The following AGBL4 variants were observed in gnomAD, a reference collection of about 807,000 sequenced individuals.
AGBL4 encodes the protein cytosolic carboxypeptidase 6.
Under a neutral mutation model 66.4 loss-of-function variants are expected in AGBL4, and 58 were observed. That is an observed-to-expected ratio of 0.87 (90% CI 0.71 to 1.09). AGBL4 has a LOEUF of 1.09. Among genes scored for constraint, AGBL4 ranks in the 50% least tolerant of loss-of-function variants. AGBL4 has a pLI of 0.00. For missense variants in AGBL4, 579 were observed against 631.0 expected (o/e 0.92, Z 0.88); for synonymous variants, 234 against 222.9 (o/e 1.05, Z -0.44).
At chr1:49,274,786 A>G (rs1484314217) in intron 3 of AGBL4, among the ~76,000 whole-genome samples, 2 of 152,140 alleles carry the variant, frequency 1.3e-5, no homozygotes, top group Non-Finnish European at 2.9e-5. Context: ...TTGCTAGCTC[A>G]ACATCAAGCA....
chr1:49,770,650 T>G (rs1434740252), intron 2 of AGBL4, among the ~76,000 whole-genome samples: 1 of 151,728 alleles, frequency 6.6e-6, no homozygotes, highest in Admixed American at 6.6e-5. Flanking sequence ...AGACCTGGAC[T>G]TTTTTTTCAT....
chr1:48,967,965 G>C (rs886948848), intron 5 of AGBL4, among the ~76,000 whole-genome samples: 1 of 151,994 alleles, frequency 6.6e-6, no homozygotes, highest in African/African-American at 2.4e-5. Context: ...TTGTGCTTTT[G>C]TTATTTGTTT....
intron 4 of AGBL4, among the ~76,000 whole-genome samples, chr1:49,199,520 C>A (rs1488954099): frequency 1.3e-5 from 2 of 152,076 alleles, no homozygotes; most frequent in South Asian, 2.1e-4. Flanking sequence ...GTGGCAGGAA[C>A]CTTACACTAC....
the AGBL4 span, among the ~76,000 whole-genome samples, chr1:48,524,852 T>G: frequency 0.4 from 59,343 of 148,366 alleles, 12,285 homozygotes; most frequent in African/African-American, 0.57. Flanking sequence ...TTTCTCCTTT[T>G]TTTTTTTTTT....
chr1:49,737,375 T>G (rs1343978658), intron 2 of AGBL4, among the ~76,000 whole-genome samples: 1 of 152,186 alleles, frequency 6.6e-6, no homozygotes, highest in Non-Finnish European at 1.5e-5. Flanking sequence ...AATCATGTCC[T>G]TTGCAGCAAC....
intron 1 of AGBL4, among the ~76,000 whole-genome samples, chr1:50,007,008 C>T (rs886653834): frequency 6.6e-5 from 10 of 151,912 alleles, no homozygotes; most frequent in African/African-American, 2.4e-4. Flanking sequence ...GAAATAATAA[C>T]CACAACAACT....
At chr1:49,484,978 C>G (rs1647033250) in intron 3 of AGBL4, among the ~76,000 whole-genome samples, 1 of 151,862 alleles carries the variant, frequency 6.6e-6, no homozygotes, top group Non-Finnish European at 1.5e-5. Context: ...TACCATTCAG[C>G]CTTTAAAAAG....
intron 3 of AGBL4, among the ~76,000 whole-genome samples, chr1:49,444,570 C>T (rs1230553526): frequency 6.6e-6 from 1 of 151,546 alleles, no homozygotes; most frequent in Non-Finnish European, 1.5e-5. Flanking sequence ...TAAATTCTGT[C>T]TTATCTGTTA....
At chr1:49,455,427 A>G (rs568956147) in intron 3 of AGBL4, among the ~76,000 whole-genome samples, 3 of 151,762 alleles carry the variant, frequency 2.0e-5, no homozygotes, top group African/African-American at 7.2e-5. Flanking sequence ...GAAATTAGTT[A>G]TTGTTATTTT....
At chr1:49,455,936 C>G (rs1434788162) in intron 3 of AGBL4, among the ~76,000 whole-genome samples, 1 of 151,698 alleles carries the variant, frequency 6.6e-6, no homozygotes, top group Non-Finnish European at 1.5e-5. Flanking sequence ...GTTATTATTT[C>G]TACCTTACTT....
chr1:49,198,179 G>A (rs868141641), intron 4 of AGBL4, among the ~76,000 whole-genome samples: 3 of 152,134 alleles, frequency 2.0e-5, no homozygotes, highest in Admixed American at 6.5e-5. Flanking sequence ...TCCCTCTCTC[G>A]TATTGGGGCT....
chr1:49,940,335 G>T (rs1166363979), intron 1 of AGBL4, among the ~76,000 whole-genome samples: 2 of 152,180 alleles, frequency 1.3e-5, no homozygotes, highest in Non-Finnish European at 1.5e-5. Flanking sequence ...ATTTGACCCA[G>T]CCATCCCATT....
chr1:48,563,319 CTTG>C (rs1644424736), intron 11 of AGBL4, among the ~76,000 whole-genome samples: 1 of 152,210 alleles, frequency 6.6e-6, no homozygotes, highest in African/African-American at 2.4e-5. Flanking sequence ...CAACCCATCT[CTTG>C]CTAATGACAA....
chr1:49,762,414 C>CTT (rs759348883), intron 2 of AGBL4, among the ~76,000 whole-genome samples: 165 of 139,274 alleles, frequency 1.2e-3, no homozygotes, highest in African/African-American at 3.9e-3. Flanking sequence ...CAATTTTCTT[C>CTT]TTTTTTTTTT....
intron 3 of AGBL4, among the ~76,000 whole-genome samples, chr1:49,528,309 C>A (rs1267437254): frequency 6.6e-6 from 1 of 152,012 alleles, no homozygotes; most frequent in Non-Finnish European, 1.5e-5. Context: ...TTATTATAAA[C>A]TCTTGTTTTT....
intron 6 of AGBL4, among the ~76,000 whole-genome samples, chr1:48,754,586 GA>G: frequency 6.6e-6 from 1 of 152,282 alleles, no homozygotes; most frequent in African/African-American, 2.4e-5. Flanking sequence ...GGAGAAAAAG[GA>G]AAAGGGGACT....
intron 2 of AGBL4, chr1:49,844,992 C>A (rs1306309030): frequency 2.2e-6 from 3 of 1,394,220 alleles, no homozygotes; most frequent in Non-Finnish European, 3.0e-6. Flanking sequence ...AACAACAAGG[C>A]CCCCACACGT....
chr1:49,616,845 T>C lies in AGBL4; in HGVS notation c.282+80468A>G, dbSNP rs192762344. ...CACCCAAATCCAATCAACGAATCTATTGGTTATACTGCCAAATATTCCCAG... is the reference window on the plus strand; with the variant it reads ...CACCCAAATCCAATCAACGAATCTACTGGTTATACTGCCAAATATTCCCAG... On this transcript the variant is annotated intron_variant, in intron 3 of 13. Coordinates refer to ENST00000371839, the MANE Select transcript of AGBL4 (RefSeq NM_032785.4). Among the ~76,000 whole-genome samples, 10 of 152,278 alleles carry C rather than the reference T, an allele frequency of 6.6e-5. No homozygotes were observed. The East Asian group carries it at 1.9e-3, about 29-fold the overall frequency.
intron 10 of AGBL4, among the ~76,000 whole-genome samples, chr1:48,589,648 C>G (rs1569908286): frequency 6.6e-6 from 1 of 152,186 alleles, no homozygotes; most frequent in South Asian, 2.1e-4. Context: ...TTGGTAGTAA[C>G]AGCAACCGTC....
Sources: allele counts gnomAD v4.1 joint callset (sites outside exome capture counted in the v4.1 genomes callset), GRCh38; gene constraint gnomAD v4.1.1; transcripts MANE v1.5; gene names NCBI Gene and HGNC (gene_info 2026-07-23, HGNC 2026-07-21).